PDIA6: variants seen among roughly 807,000 people sequenced by gnomAD.
PDIA6 encodes protein disulfide-isomerase A6.
Under a neutral mutation model 58.4 loss-of-function variants are expected in PDIA6, and 29 were observed. The ratio of observed to expected loss-of-function variants is 0.50; its 90% CI spans 0.37 to 0.68. The LOEUF (loss-of-function observed/expected upper bound fraction) is 0.68, where lower values mean the gene tolerates loss of function less well. PDIA6 is among the 30% of genes least tolerant of loss of function. The pLI, the probability that PDIA6 is intolerant of heterozygous loss-of-function variation, is 0.00. For missense variants in PDIA6, 480 were observed against 551.0 expected (o/e 0.87, Z 1.29); for synonymous variants, 192 against 202.6 (o/e 0.95, Z 0.44).
rs71392259 is a variant in PDIA6 at position 10,798,573 on chromosome 2, CAAA to C, written c.162-819_162-817del. On this transcript the variant is annotated intron_variant, in intron 2 of 12. Transcript: ENST00000272227. ...ACACAGCAAGACTCTGTCCCCCACC[CAAA>C]AAAAAAAAAAAAAGCTTCCGAATTA... is the stretch of plus-strand genomic sequence containing the variant. Among the ~76,000 whole-genome samples, 1,232 of 133,154 alleles carry C rather than the reference CAAA, an allele frequency of 9.3e-3. 7 individuals are homozygous for C. Among genetic ancestry groups the C allele is most frequent in the African/African-American group, 0.023 (755 of 33,214 alleles). The allele number at this position is 133,154 out of a possible 152,430, so 87.4% of individuals were successfully genotyped here.
chr2:10,794,464 C>A (rs924323563), intron 4 of PDIA6, among the ~76,000 whole-genome samples: 3 of 33,496 alleles, frequency 9.0e-5, no homozygotes, highest in African/African-American at 1.9e-4. Context: ...AAAAAAAAAT[C>A]TTTCTTTTTT....
intron 2 of PDIA6, 54 bp from the exon 3 acceptor site, chr2:10,797,811 AAAAAATTC>A (rs1572667505): frequency 7.7e-6 from 11 of 1,424,294 alleles, no homozygotes; most frequent in East Asian, 4.6e-5. Context: ...TTCTCAATTC[AAAAAATTC>A]AAAAATTCAA....
At chr2:10,812,944 T>C (rs912439083), upstream of PDIA6, 142 of 552,402 alleles carry the variant, frequency 2.6e-4, 1 homozygote, top group South Asian at 8.9e-4. Flanking sequence ...TGGTTTTTTT[T>C]CACGGGGGCG....
intron 1 of PDIA6, among the ~76,000 whole-genome samples, chr2:10,820,387 G>A (rs564865672): frequency 1.5e-4 from 23 of 152,200 alleles, no homozygotes; most frequent in African/African-American, 5.5e-4. Flanking sequence ...TTTTATTACA[G>A]GTGTGTTTTC....
intron 11 of PDIA6, among the ~76,000 whole-genome samples, chr2:10,785,639 A>G (rs1665691190): frequency 6.6e-6 from 1 of 151,994 alleles, no homozygotes; most frequent in Non-Finnish European, 1.5e-5. Flanking sequence ...CTATTATTAG[A>G]AAAAAAAATT....
chr2:10,796,110 G>A (rs1666254735), intron 4 of PDIA6, among the ~76,000 whole-genome samples: 2 of 146,310 alleles, frequency 1.4e-5, no homozygotes, highest in African/African-American at 5.4e-5. Context: ...CGCCTAGGCT[G>A]GAGTACAATC....
At chr2:10,821,257 G>A (rs928338897) in intron 1 of PDIA6, 69 of 177,102 alleles carry the variant, frequency 3.9e-4, no homozygotes, top group Non-Finnish European at 4.3e-4. Context: ...AGTCTCTACC[G>A]TTGCACAGTA....
At chr2:10,834,721 C>CCCTCCCTTCCTT (rs1303608003), upstream of PDIA6, among the ~76,000 whole-genome samples, 6 of 45,474 alleles carry the variant, frequency 1.3e-4, no homozygotes, top group East Asian at 5.0e-4. Flanking sequence ...CTCCCTCCCT[C>CCCTCCCTTCCTT]CCTTCCTTCC....
chr2:10,816,077 CTTTTT>C (rs57404091), upstream of PDIA6, among the ~76,000 whole-genome samples: 377 of 96,468 alleles, frequency 3.9e-3, 3 homozygotes, highest in Admixed American at 0.012. Flanking sequence ...AATCATTTGT[CTTTTT>C]TTTTTTTTTT....
intron 7 of PDIA6, 71 bp downstream of exon 7, chr2:10,790,648 C>A (rs748738605): frequency 1.9e-6 from 2 of 1,070,882 alleles, no homozygotes. Context: ...CATAGGGAGG[C>A]CTGGAGTATT....
At chr2:10,802,089 T>C (rs559275402) in intron 2 of PDIA6, among the ~76,000 whole-genome samples, 1 of 152,372 alleles carries the variant, frequency 6.6e-6, no homozygotes, top group Admixed American at 6.5e-5. Flanking sequence ...AATTTTGTGC[T>C]GTTAGTTTCA....
chr2:10,829,120 G>A (rs1025816729), intron 1 of PDIA6, among the ~76,000 whole-genome samples: 1 of 152,202 alleles, frequency 6.6e-6, no homozygotes, highest in African/African-American at 2.4e-5. Context: ...CTGCTTACCC[G>A]GTGTTGTGAA....
intron 1 of PDIA6, chr2:10,810,185 G>A: frequency 1.2e-6 from 1 of 861,592 alleles, no homozygotes; most frequent in African/African-American, 1.7e-5. Context: ...TGTGGTATGT[G>A]TCATGGTGCC....
At chr2:10,810,284 G>A (rs1454073136) in intron 1 of PDIA6, 1 of 1,534,580 alleles carries the variant, frequency 6.5e-7, no homozygotes, top group African/African-American at 1.4e-5. Flanking sequence ...TCTAACCGAA[G>A]GGCTGGAGAA....
intron 1 of PDIA6, among the ~76,000 whole-genome samples, chr2:10,803,761 C>T (rs1666611182): frequency 6.6e-6 from 1 of 152,170 alleles, no homozygotes; most frequent in South Asian, 2.1e-4. Flanking sequence ...TATACAGTCA[C>T]ATCCACAGGG....
chr2:10,803,090 T>C (rs946822430), intron 1 of PDIA6, among the ~76,000 whole-genome samples: 29 of 152,240 alleles, frequency 1.9e-4, no homozygotes, highest in African/African-American at 5.3e-4. Flanking sequence ...TATTCAAATA[T>C]ATTTTTGAAG....
At chr2:10,810,422 T>C in intron 1 of PDIA6, 1 of 1,439,490 alleles carries the variant, frequency 6.9e-7, no homozygotes, top group Non-Finnish European at 9.1e-7. Flanking sequence ...ACAAGCAGGC[T>C]GCAGTCACCA....
intron 2 of PDIA6, among the ~76,000 whole-genome samples, chr2:10,800,843 T>C (rs1337800795): frequency 6.6e-6 from 1 of 152,134 alleles, no homozygotes; most frequent in African/African-American, 2.4e-5. Context: ...ACTCTGGTGC[T>C]CAAGCAATTT....
intron 1 of PDIA6, among the ~76,000 whole-genome samples, chr2:10,805,851 A>C (rs2148557192): frequency 1.1e-5 from 1 of 89,298 alleles, no homozygotes; most frequent in South Asian, 5.2e-4. Context: ...ATAGGTGGGA[A>C]TTGAACAATG....
Sources: gnomAD v4.1 joint callset for allele counts (sites outside exome capture counted in the v4.1 genomes callset) on GRCh38, gnomAD v4.1.1 for gene constraint, MANE v1.5 for transcripts, NCBI Gene and HGNC (gene_info 2026-07-23, HGNC 2026-07-21) for gene names.